The following TSC2 variants were observed in gnomAD, a reference collection of about 807,000 sequenced individuals.
The protein encoded by TSC2 is TSC complex subunit 2.
Under a neutral mutation model 202.2 loss-of-function variants are expected in TSC2, and 29 were observed. The ratio of observed to expected loss-of-function variants is 0.14; its 90% CI spans 0.11 to 0.20. The LOEUF (loss-of-function observed/expected upper bound fraction) is 0.20, where lower values mean the gene tolerates loss of function less well. Ranked by LOEUF, TSC2 falls within the 10% of genes least tolerant of loss-of-function variation. The pLI is 1.00. For synonymous variants in TSC2, 1,349 were observed against 1,044.0 expected, an observed-to-expected ratio of 1.29 and a Z score of -5.63; for missense variants, 2,429 against 2,420.0, an observed-to-expected ratio of 1.00 and a Z score of -0.08.
chr16:2,076,348 G>T, intron 24 of TSC2, 143 bp from the exon 25 acceptor site: 1 of 1,567,798 alleles, frequency 6.4e-7, no homozygotes, highest in Non-Finnish European at 8.6e-7. Flanking sequence ...ATGCGCGGCA[G>T]GCATTGAGGG....
chr16:2,080,542 GGC>G, intron 30 of TSC2, 165 bp downstream of exon 30: 1 of 791,938 alleles, frequency 1.3e-6, no homozygotes, highest in South Asian at 1.8e-5. Context: ...GGAACGCAGT[GGC>G]GCAATCTCGG....
At chr16:2,074,838 G>C (rs985988244) in intron 22 of TSC2, 1 of 275,338 alleles carries the variant, frequency 3.6e-6, no homozygotes, top group Non-Finnish European at 7.2e-6. Flanking sequence ...ACTTGGTGTA[G>C]AGGCTGGAGA....
At chr16:2,072,453 C>G (rs1043802860) in intron 20 of TSC2, 90 bp downstream of exon 20, 1 of 1,562,296 alleles carries the variant, frequency 6.4e-7, no homozygotes. Flanking sequence ...GAGTGAGACC[C>G]TTCGGGCTCG....
At position 2,088,330 on chromosome 16, in the gene TSC2, G is replaced by A. The variant is rs768760778; in HGVS notation, c.5259+5G>A. On this transcript the variant is annotated splice_donor_5th_base_variant and intron_variant, in intron 41 of 41. Transcript: ENST00000219476. ...ATCAAGCGGCTCCGCCAGCGGGTAG[G>A]GAATATGGGGCTCCCTCAGCGGGGT... The A allele has an allele frequency of 6.2e-7, 1 of 1,612,610 alleles. No homozygotes were observed. The highest frequency in any genetic ancestry group is 8.5e-7 in the Non-Finnish European group (1 of 1,180,000).
In TSC2 at chr16:2,084,497, G is replaced by A. The variant is rs1057522238; in HGVS notation, c.4275G>A (p.Gly1425=). Reference sequence around the variant, plus strand: ...GGTCACAGTCAGGGACCCTGGACGGGGAAAGTGCTGCCTGGTCGGCCTCGG... The same window carrying A: ...GGTCACAGTCAGGGACCCTGGACGGAGAAAGTGCTGCCTGGTCGGCCTCGG... The part of the protein sequence containing the change: ...KARSQSGTLD[G]ESAAWSASGE... The change falls in exon 34 of 42, where the codon GGG becomes GGA. Residue 1425 remains glycine (G), a synonymous_variant. Transcript: ENST00000219476. The A allele has an allele frequency of 6.2e-6, 10 of 1,609,262 alleles. No homozygotes were observed. The highest frequency in any genetic ancestry group is 3.4e-5 in the Admixed American group (2 of 59,608).
At chr16:2,050,195 G>A (rs1001095262) in intron 2 of TSC2, among the ~76,000 whole-genome samples, 4 of 152,082 alleles carry the variant, frequency 2.6e-5, no homozygotes, top group African/African-American at 9.7e-5. Context: ...GACCTCTGGT[G>A]ATCCACCTGC....
intron 15 of TSC2, 91 bp from the exon 16 acceptor site, chr16:2,065,428 A>T: frequency 1.2e-6 from 1 of 803,388 alleles, no homozygotes; most frequent in Non-Finnish European, 2.0e-6. Context: ...AAAAAAAAAA[A>T]AAAAAAAAGG....
rs113495029 is a variant in TSC2 at position 2,079,747 on chromosome 16, C to A, written c.3397+78C>A. On this transcript the variant is annotated intron_variant, in intron 29 of 41. Coordinates refer to ENST00000219476, the MANE Select transcript of TSC2 (RefSeq NM_000548.5). The surrounding 1 kb of genome is among the most constrained non-coding windows in gnomAD (Gnocchi z 4.6). ...CTGCTGGTCCCAGTGTTCAGGAAGG[C>A]CCCGAGCCCAGGGGCCGGGGTGGCT... The A allele has an allele frequency of 6.9e-7, 1 of 1,447,278 alleles. No homozygotes were observed. The highest frequency in any genetic ancestry group is 9.3e-7 in the Non-Finnish European group (1 of 1,075,172). 89.7% of individuals were successfully genotyped at this position (1,447,278 alleles called of 1,614,324 possible). A position where few individuals can be genotyped will look rare whatever the true frequency, so the allele number is the denominator to read the frequency against.
At chr16:2,078,305 C>T (rs1305501229) in intron 26 of TSC2, 1 of 164,206 alleles carries the variant, frequency 6.1e-6, no homozygotes, top group Non-Finnish European at 1.3e-5. Flanking sequence ...GCCTGTGGGT[C>T]ATCGCTGCTG....
At chr16:2,065,473 C>T (rs754092028) in intron 15 of TSC2, 46 bp from the exon 16 acceptor site, 2 of 1,241,692 alleles carry the variant, frequency 1.6e-6, no homozygotes, top group East Asian at 2.7e-5. Flanking sequence ...CGGCTGCTGA[C>T]TCAGAACCAT....
At chr16:2,051,496 C>T (rs1482558009) in intron 3 of TSC2, among the ~76,000 whole-genome samples, 1 of 152,102 alleles carries the variant, frequency 6.6e-6, no homozygotes, top group African/African-American at 2.4e-5. Context: ...TGGTATTGGG[C>T]GACCTCACGG....
rs765251896 is a variant in TSC2 at position 2,076,184 on chromosome 16, C to T, written c.2742+14C>T. On this transcript the variant is annotated intron_variant, in intron 24 of 41. Transcript: ENST00000219476. ...TTCATCACTAAGGTGGGCTCAGGGCCGGTGAAGGCTGTGTCTCTCGGTAGG... is the reference window on the plus strand; with the variant it reads ...TTCATCACTAAGGTGGGCTCAGGGCTGGTGAAGGCTGTGTCTCTCGGTAGG... The T allele has an allele frequency of 5.9e-5, 95 of 1,613,232 alleles. No homozygotes were observed. In the Admixed American group the frequency reaches 6.7e-4, roughly 11 times the overall value.
chr16:2,077,437 C>A, intron 25 of TSC2, 161 bp from the exon 26 acceptor site: 1 of 1,013,414 alleles, frequency 9.9e-7, no homozygotes. Flanking sequence ...TCCCCGCTAA[C>A]TGCCCTTTGG....
rs767328300 is a variant in TSC2, at chr16:2,077,731, C to T, written c.2966+5C>T. ...GTCTGAACATGTGGTCCGCAGGTAG[C>T]GGGACTGTCGGGTGGGGGGCACGGA... is the stretch of plus-strand genomic sequence containing the variant. On this transcript the variant is annotated splice_donor_5th_base_variant and intron_variant, in intron 26 of 41. Transcript: ENST00000219476. 2.3e-5 allele frequency: 37 copies of T among 1,611,810 alleles called. 1 individual carries two copies. The highest frequency in any genetic ancestry group is 2.8e-5 in the Non-Finnish European group (33 of 1,179,986).
At chr16:2,052,255 G>T (rs997471388) in intron 3 of TSC2, among the ~76,000 whole-genome samples, 2 of 145,918 alleles carry the variant, frequency 1.4e-5, no homozygotes, top group African/African-American at 2.7e-5. Flanking sequence ...GAGAGTGCCA[G>T]TTGTCTGAAT....
At chr16:2,083,880 C>A in intron 33 of TSC2, 64 bp downstream of exon 33, 1 of 1,563,804 alleles carries the variant, frequency 6.4e-7, no homozygotes, top group East Asian at 2.3e-5. Context: ...AGGCAGGGCT[C>A]TGCGTGGGTG....
At chr16:2,048,888 G>A in intron 2 of TSC2, 135 bp downstream of exon 2, 1 of 1,284,690 alleles carries the variant, frequency 7.8e-7, no homozygotes, top group Non-Finnish European at 1.1e-6. Context: ...AGTACTTGGA[G>A]GCCGACATGT....
chr16:2,056,175 T>G, intron 6 of TSC2, 21 bp from the exon 7 acceptor site: 1 of 1,613,714 alleles, frequency 6.2e-7, no homozygotes, highest in Non-Finnish European at 8.5e-7. Flanking sequence ...CTGCCGGGAC[T>G]GAGCTCGGTG....
chr16:2,057,570 G>C (rs2086031716), intron 9 of TSC2, among the ~76,000 whole-genome samples: 1 of 151,996 alleles, frequency 6.6e-6, no homozygotes, highest in Non-Finnish European at 1.5e-5. Context: ...CCCACACCCT[G>C]GCCTCCCACC....
Sources: allele counts gnomAD v4.1 joint callset (sites outside exome capture counted in the v4.1 genomes callset), GRCh38; gene constraint gnomAD v4.1.1; non-coding constraint Gnocchi (gnomAD v3.1); transcripts MANE v1.5; gene names NCBI Gene and HGNC (gene_info 2026-07-23, HGNC 2026-07-21).